Variants in PARD3B observed in about 807,000 individuals in gnomAD.
PARD3B encodes par-3 family cell polarity regulator beta.
A neutral mutation model predicts 130.2 loss-of-function variants in PARD3B; 103 were observed. The ratio of observed to expected loss-of-function variants is 0.79; its 90% confidence interval spans 0.67 to 0.93. The LOEUF (loss-of-function observed/expected upper bound fraction) is 0.93, where lower values mean the gene tolerates loss of function less well. PARD3B is among the 40% of genes least tolerant of loss of function. The pLI, the probability that PARD3B is intolerant of heterozygous loss-of-function variation, is 0.00. For synonymous variants in PARD3B, 583 were observed against 553.2 expected, an observed-to-expected ratio of 1.05 and a Z score of -0.76; for missense variants, 1,609 against 1,499.2, an observed-to-expected ratio of 1.07 and a Z score of -1.21.
At chr2:205,409,753 A>G (rs963946534) in intron 19 of PARD3B, among the ~76,000 whole-genome samples, 1 of 152,196 alleles carries the variant, frequency 6.6e-6, no homozygotes, top group Non-Finnish European at 1.5e-5. Context: ...AAATATTTTT[A>G]AAGAATTCAT....
chr2:205,468,262 C>G (rs1166709548), intron 20 of PARD3B, among the ~76,000 whole-genome samples: 1 of 152,176 alleles, frequency 6.6e-6, no homozygotes, highest in Non-Finnish European at 1.5e-5. Flanking sequence ...AGTATAATAC[C>G]AGTGCGATTC....
intron 16 of PARD3B, among the ~76,000 whole-genome samples, chr2:205,259,236 C>T (rs2040209076): frequency 6.6e-6 from 1 of 152,180 alleles, no homozygotes; most frequent in Non-Finnish European, 1.5e-5. Context: ...GACCTTCCCT[C>T]TTGGGTCTTT....
chr2:204,893,569 C>G (rs78332649), intron 2 of PARD3B, among the ~76,000 whole-genome samples: 1,911 of 152,098 alleles, frequency 0.013, 37 homozygotes, highest in African/African-American at 0.032. Context: ...TTTTAGTAGC[C>G]TCATTCAAAT....
chr2:204,888,699 C>A (rs1192508123), intron 2 of PARD3B, among the ~76,000 whole-genome samples: 1 of 147,270 alleles, frequency 6.8e-6, no homozygotes, highest in Non-Finnish European at 1.5e-5. Flanking sequence ...CCACTGTACT[C>A]CAGCCTGGGC....
At chr2:204,548,285 T>G (rs2030158309) in intron 1 of PARD3B, among the ~76,000 whole-genome samples, 1 of 152,216 alleles carries the variant, frequency 6.6e-6, no homozygotes, top group Non-Finnish European at 1.5e-5. Context: ...ATTCACTTTC[T>G]GTAAATCAGT....
Position 205,440,792 on chromosome 2 carries a change from C to T in PARD3B, c.3044+120C>T. 1.9e-6 allele frequency: 2 copies of T among 1,056,286 alleles called. No individual in the cohort carries two copies. 65.4% of individuals were successfully genotyped at this position (1,056,286 alleles called of 1,614,324 possible). The stretch of plus-strand genomic sequence containing the variant: ...AATTAAAACTGAAACGAGTCAGTAC[C>T]CTAGACAAGTGCCATCCTTTGACCG... On this transcript the variant is annotated intron_variant, in intron 20 of 22. Coordinates refer to ENST00000406610, the MANE Select transcript of PARD3B (RefSeq NM_001302769.2). The surrounding 1 kb of genome is among the most constrained non-coding windows in gnomAD (Gnocchi z 4.2).
At chr2:204,555,862 AG>A (rs1262043035) in intron 1 of PARD3B, among the ~76,000 whole-genome samples, 1 of 152,142 alleles carries the variant, frequency 6.6e-6, no homozygotes, top group Non-Finnish European at 1.5e-5. Context: ...TTTCTTCTTC[AG>A]GAAGCCTTCC....
intron 15 of PARD3B, among the ~76,000 whole-genome samples, chr2:205,242,562 T>G (rs2039396864): frequency 6.6e-6 from 1 of 152,208 alleles, no homozygotes; most frequent in African/African-American, 2.4e-5. Context: ...GTATCTTTTG[T>G]GGTTGTGGAA....
At chr2:204,627,913 GC>G (rs143425885) in intron 1 of PARD3B, among the ~76,000 whole-genome samples, 5,255 of 151,522 alleles carry the variant, frequency 0.035, 281 homozygotes, top group East Asian at 0.13. Context: ...CCAACCTGCA[GC>G]CCCAGGTTGC....
chr2:205,055,150 T>C (rs1699554494), intron 4 of PARD3B, among the ~76,000 whole-genome samples: 1 of 152,148 alleles, frequency 6.6e-6, no homozygotes. Context: ...AATCATAAAA[T>C]CTAGAATCAT....
At chr2:204,934,771 A>G (rs967060531) in intron 2 of PARD3B, among the ~76,000 whole-genome samples, 1 of 152,188 alleles carries the variant, frequency 6.6e-6, no homozygotes, top group Non-Finnish European at 1.5e-5. Context: ...TTAGAAACAA[A>G]GTGGGAACGG....
rs2042474296 is a variant in PARD3B at position 204,799,077 on chromosome 2, G to A, written c.222+112795G>A. Among the ~76,000 whole-genome samples the A allele has an allele frequency of 2.0e-5, 3 of 152,116 alleles. No homozygotes were observed. In the South Asian group the frequency reaches 6.2e-4, roughly 31 times the overall value. ...AAGTGGAGCAGCAAATGGGGACCCT[G>A]AGTCCAGGCTTTGGCTCCTGGACAT... On this transcript the variant is annotated intron_variant, in intron 2 of 22. Coordinates refer to ENST00000406610, the MANE Select transcript of PARD3B (RefSeq NM_001302769.2). The surrounding 1 kb of genome is among the most constrained non-coding windows in gnomAD (Gnocchi z 4.1).
At position 204,703,236 on chromosome 2, in the gene PARD3B, CCA is replaced by C. The variant is rs138538179; in HGVS notation, c.222+16956_222+16957del. 4.2e-3 allele frequency among the ~76,000 whole-genome samples: 632 copies of C among 152,284 alleles called. 5 individuals carry two copies. Among genetic ancestry groups the C allele is most frequent in the African/African-American group, 0.014 (598 of 41,554 alleles). ...CAGTCTCCAAAGCCAGAGTTCTTAA[CCA>C]CCATGCTTAGACACAAAATTTGGTT... On this transcript the variant is annotated intron_variant, in intron 2 of 22. Coordinates refer to ENST00000406610, the MANE Select transcript of PARD3B (RefSeq NM_001302769.2).
intron 3 of PARD3B, among the ~76,000 whole-genome samples, chr2:204,994,812 T>C (rs1694009200): frequency 6.7e-6 from 1 of 150,346 alleles, no homozygotes; most frequent in Non-Finnish European, 1.5e-5. Context: ...TCTTGTTGAA[T>C]TGATCCCTTT....
rs118052746 is a variant in PARD3B at position 204,659,351 on chromosome 2, C to T, written c.121-26830C>T. On this transcript the variant is annotated intron_variant, in intron 1 of 22. Coordinates refer to ENST00000406610, the MANE Select transcript of PARD3B (RefSeq NM_001302769.2). ...AGGTATCTGGCCCCATTGAGAGATG[C>T]GCCAAGATATTCTTGTGTGACACAG... Among the ~76,000 whole-genome samples, 18 of 152,216 alleles carry T rather than the reference C, an allele frequency of 1.2e-4. No homozygotes were observed. In the East Asian group the frequency reaches 2.9e-3, roughly 24 times the overall value.
At chr2:204,932,884 G>A (rs1428574015) in intron 2 of PARD3B, among the ~76,000 whole-genome samples, 1 of 152,190 alleles carries the variant, frequency 6.6e-6, no homozygotes, top group Non-Finnish European at 1.5e-5. Flanking sequence ...GGCACTGGTA[G>A]TGGTAACCCC....
At chr2:204,654,913 C>A (rs114038590) in intron 1 of PARD3B, among the ~76,000 whole-genome samples, 2,836 of 152,220 alleles carry the variant, frequency 0.019, 41 homozygotes, top group Middle Eastern at 0.071. Context: ...GCAGACTATC[C>A]AGTACATTGA....
chr2:205,431,989 C>A (rs2047354797), intron 19 of PARD3B, among the ~76,000 whole-genome samples: 1 of 152,022 alleles, frequency 6.6e-6, no homozygotes, highest in African/African-American at 2.4e-5. Context: ...GTTATATAAT[C>A]ATGAGAAAAT....
intron 2 of PARD3B, among the ~76,000 whole-genome samples, chr2:204,859,132 T>C (rs887773916): frequency 6.6e-6 from 1 of 152,110 alleles, no homozygotes; most frequent in African/African-American, 2.4e-5. Flanking sequence ...TGAAGACCAA[T>C]ATTTAATAGC....
Sources: gnomAD v4.1 joint callset for allele counts (sites outside exome capture counted in the v4.1 genomes callset) on GRCh38, gnomAD v4.1.1 for gene constraint, Gnocchi (gnomAD v3.1) non-coding constraint, MANE v1.5 for transcripts, NCBI Gene and HGNC (gene_info 2026-07-23, HGNC 2026-07-21) for gene names.